RBFOX3: variants seen among roughly 807,000 people sequenced by gnomAD.
RBFOX3 encodes the protein RNA binding fox-1 homolog 3, also known as RNA binding protein fox-1 homolog 3.
A neutral mutation model predicts 48.7 loss-of-function variants in RBFOX3; 17 were observed. The ratio of observed to expected loss-of-function variants is 0.35; its 90% CI spans 0.24 to 0.52. The LOEUF (loss-of-function observed/expected upper bound fraction) is 0.52, where lower values mean the gene tolerates loss of function less well. Ranked by LOEUF, RBFOX3 falls within the 20% of genes least tolerant of loss-of-function variation. The pLI is 0.94. For synonymous variants in RBFOX3, 212 were observed against 209.5 expected, an observed-to-expected ratio of 1.01 and a Z score of -0.10; for missense variants, 382 against 497.5, an observed-to-expected ratio of 0.77 and a Z score of 2.21.
intron 3 of RBFOX3, among the ~76,000 whole-genome samples, chr17:79,275,126 C>A (rs1190902109): frequency 1.2e-5 from 1 of 82,516 alleles, no homozygotes; most frequent in Non-Finnish European, 2.6e-5. Flanking sequence ...ATGTCTCCCT[C>A]TCTCTCTCTC....
chr17:79,368,515 C>T (rs1349171678), intron 2 of RBFOX3, among the ~76,000 whole-genome samples: 1 of 152,238 alleles, frequency 6.6e-6, no homozygotes. Flanking sequence ...TCCACCGGTT[C>T]CCCGCACCTG....
intron 2 of RBFOX3, among the ~76,000 whole-genome samples, chr17:79,478,293 G>A (rs1236910030): frequency 6.6e-6 from 1 of 152,244 alleles, no homozygotes; most frequent in Non-Finnish European, 1.5e-5. Flanking sequence ...GCTCATGGGT[G>A]CGTCCCTGAG....
chr17:79,213,481 A>C (rs1371127361), intron 4 of RBFOX3, among the ~76,000 whole-genome samples: 3 of 152,242 alleles, frequency 2.0e-5, no homozygotes, highest in Non-Finnish European at 4.4e-5. Flanking sequence ...GATGAGGGCC[A>C]AAGTCAAGGG....
rs191275130 is a variant in RBFOX3, at chr17:79,132,399, G to A, written c.-33-16651C>T. Among the ~76,000 whole-genome samples the A allele has an allele frequency of 1.8e-3, 278 of 152,316 alleles. 3 individuals carry two copies. The East Asian group carries it at 0.022, about 12-fold the overall frequency. ...CGGCCTACAGCCCTATTCCATGCAC[G>A]TCCCTGCCGTGGTCTGAGGCTGTAG... On this transcript the variant is annotated intron_variant, in intron 4 of 14. Transcript: ENST00000693108.
At chr17:79,376,402 C>T (rs1212958100) in intron 2 of RBFOX3, among the ~76,000 whole-genome samples, 1 of 152,088 alleles carries the variant, frequency 6.6e-6, no homozygotes, top group East Asian at 1.9e-4. Context: ...CAGGGGCCGG[C>T]CAGGCACCCG....
At chr17:79,323,088 G>T (rs765578081) in intron 2 of RBFOX3, among the ~76,000 whole-genome samples, 2 of 152,166 alleles carry the variant, frequency 1.3e-5, no homozygotes, top group Non-Finnish European at 2.9e-5. Flanking sequence ...CATTAGGAGG[G>T]GGCTCCTGCA....
At chr17:79,167,312 G>A (rs914300588) in intron 4 of RBFOX3, among the ~76,000 whole-genome samples, 2 of 122,428 alleles carry the variant, frequency 1.6e-5, no homozygotes, top group Non-Finnish European at 3.2e-5. Context: ...ATCAGGCTCT[G>A]GGGGGCCCCT....
Position 79,473,698 on chromosome 17 carries a change from C to T in RBFOX3, c.-175+8756G>A, listed in dbSNP as rs2077332654. Among the ~76,000 whole-genome samples the T allele has an allele frequency of 6.6e-6, 1 of 152,204 alleles. No individual in the cohort carries two copies. The highest frequency in any genetic ancestry group is 2.1e-4 in the South Asian group (1 of 4,838). The stretch of plus-strand genomic sequence containing the variant: ...AAGCTCCCTGTAATTCCAGCCATTA[C>T]TCAGCAATGCTCAGCAATGCAAGGT... On this transcript the variant is annotated intron_variant, in intron 2 of 14. Transcript: ENST00000693108. The surrounding 1 kb of genome is among the most constrained non-coding windows in gnomAD (Gnocchi z 4.2).
chr17:79,407,903 T>G (rs905955480), intron 2 of RBFOX3, among the ~76,000 whole-genome samples: 9 of 152,202 alleles, frequency 5.9e-5, no homozygotes, highest in Non-Finnish European at 1.0e-4. Context: ...AAAGACCTAC[T>G]ATGCAGCCAG....
intron 4 of RBFOX3, among the ~76,000 whole-genome samples, chr17:79,144,648 C>T (rs56379020): frequency 0.22 from 33,968 of 152,108 alleles, 3,971 homozygotes; most frequent in Middle Eastern, 0.29. Flanking sequence ...TCTCCCGGCC[C>T]TGGGACCACG....
At chr17:79,161,079 C>T (rs1246355532) in intron 4 of RBFOX3, among the ~76,000 whole-genome samples, 1 of 152,080 alleles carries the variant, frequency 6.6e-6, no homozygotes, top group East Asian at 1.9e-4. Context: ...TTTTTGCCCA[C>T]CAGGAATTTG....
In RBFOX3 at chr17:79,487,861, G is replaced by A. The variant is rs1281576354; in HGVS notation, c.-319-5263C>T. On this transcript the variant is annotated intron_variant, in intron 1 of 14. Coordinates refer to ENST00000693108, the MANE Select transcript of RBFOX3 (RefSeq NM_001350451.2). The stretch of plus-strand genomic sequence containing the variant: ...CAGGAGGCGGAGCTTGCAGTGAGCC[G>A]AGATCGCTCCACTGCACTCCAGCCT... Among the ~76,000 whole-genome samples, 23 of 131,476 alleles carry A rather than the reference G, an allele frequency of 1.7e-4. No homozygotes were observed. The Admixed American group carries it at 1.8e-3, about 10-fold the overall frequency. The allele number at this position is 131,476 out of a possible 152,430, so 86.3% of individuals were successfully genotyped here. A position where few individuals can be genotyped will look rare whatever the true frequency, so the allele number is the denominator to read the frequency against.
intron 2 of RBFOX3, among the ~76,000 whole-genome samples, chr17:79,377,285 A>G (rs1441975356): frequency 6.6e-6 from 1 of 152,130 alleles, no homozygotes; most frequent in Non-Finnish European, 1.5e-5. Flanking sequence ...AATTACACAG[A>G]GACGCATACA....
Position 79,220,600 on chromosome 17 carries a change from T to G in RBFOX3, c.-34+15166A>C, listed in dbSNP as rs957919840. ...ATCAAGCAGGGGACCCAGGGGAGGG[T>G]GTGTGTGTGTGTGTGTCGGGGGGAC... On this transcript the variant is annotated intron_variant, in intron 4 of 14. Transcript: ENST00000693108. This position sits in a 1 kb window ranked among gnomAD's most constrained non-coding sequence, Gnocchi z 5.9. Among the ~76,000 whole-genome samples, 1 of 149,516 alleles carries G rather than the reference T, an allele frequency of 6.7e-6. No homozygotes were observed. The highest frequency in any genetic ancestry group is 1.5e-5 in the Non-Finnish European group (1 of 67,162).
intron 1 of RBFOX3, among the ~76,000 whole-genome samples, chr17:79,589,155 C>T (rs1295419396): frequency 2.0e-5 from 3 of 152,254 alleles, no homozygotes; most frequent in Non-Finnish European, 4.4e-5. Flanking sequence ...AGAGCTGGGG[C>T]TACCATAACA....
At position 79,254,661 on chromosome 17, in the gene RBFOX3, C is replaced by T. The variant is rs1343924101; in HGVS notation, c.-73-18856G>A. On this transcript the variant is annotated intron_variant, in intron 3 of 14. Transcript: ENST00000693108. The surrounding 1 kb of genome is among the most constrained non-coding windows in gnomAD (Gnocchi z 4.8). ...TGCCACCAGGGGCCACTTCTGAGCC[C>T]TCTTGGCGATTCGTATACTTGCCCC... is the stretch of plus-strand genomic sequence containing the variant. Among the ~76,000 whole-genome samples the T allele has an allele frequency of 3.3e-5, 5 of 152,168 alleles. No homozygotes were observed. The highest frequency in any genetic ancestry group is 2.6e-4 in the Admixed American group (4 of 15,272).
intron 4 of RBFOX3, among the ~76,000 whole-genome samples, chr17:79,157,496 C>A (rs778862133): frequency 2.0e-5 from 3 of 152,236 alleles, no homozygotes; most frequent in Non-Finnish European, 4.4e-5. Context: ...TAGCCCACAG[C>A]GAGAACTGGC....
At chr17:79,632,058 G>T in the RBFOX3 span, among the ~76,000 whole-genome samples, 1 of 152,208 alleles carries the variant, frequency 6.6e-6, no homozygotes, top group African/African-American at 2.4e-5. Context: ...GGGAGACAGC[G>T]AGCCCTCCGC....
intron 1 of RBFOX3, among the ~76,000 whole-genome samples, chr17:79,585,864 T>C (rs2093234109): frequency 6.6e-6 from 1 of 152,182 alleles, no homozygotes; most frequent in Non-Finnish European, 1.5e-5. Context: ...GGCAGTGAGC[T>C]GAGACTGGAC....
Sources: gnomAD v4.1 joint callset for allele counts (sites outside exome capture counted in the v4.1 genomes callset) on GRCh38, gnomAD v4.1.1 for gene constraint, Gnocchi (gnomAD v3.1) non-coding constraint, MANE v1.5 for transcripts, NCBI Gene and HGNC (gene_info 2026-07-23, HGNC 2026-07-21) for gene names.